The following SEMA5A variants were observed in gnomAD, a reference collection of about 807,000 sequenced individuals.
The protein encoded by SEMA5A is semaphorin 5A, also known as semaphorin-5A.
SEMA5A carries 55 observed loss-of-function variants against 135.5 expected under a neutral mutation model. The ratio of observed to expected loss-of-function variants is 0.41; its 90% CI spans 0.33 to 0.51. The LOEUF is 0.51. SEMA5A is among the 20% of genes least tolerant of loss of function. The pLI, the probability that SEMA5A is intolerant of heterozygous loss-of-function variation, is 0.37. For synonymous variants in SEMA5A, 580 were observed against 546.5 expected (o/e 1.06, Z -0.85); for missense variants, 1,290 against 1,419.9 (o/e 0.91, Z 1.47).
chr5:9,230,644 A>G (rs1747579463), intron 6 of SEMA5A, among the ~76,000 whole-genome samples: 1 of 152,192 alleles, frequency 6.6e-6, no homozygotes, highest in African/African-American at 2.4e-5. Context: ...GGAAGATGTC[A>G]GGGATCCAGA....
At chr5:9,491,771 A>G (rs1451254716) in intron 1 of SEMA5A, among the ~76,000 whole-genome samples, 1 of 152,198 alleles carries the variant, frequency 6.6e-6, no homozygotes, top group Non-Finnish European at 1.5e-5. Context: ...CATTTTACCC[A>G]TTCAAAAGGG....
chr5:9,282,488 T>C (rs1404755152), intron 5 of SEMA5A, among the ~76,000 whole-genome samples: 1 of 152,112 alleles, frequency 6.6e-6, no homozygotes, highest in East Asian at 1.9e-4. Flanking sequence ...TTTCAACCAA[T>C]GTAATGCACA....
At chr5:9,316,609 T>C (rs377728727) in intron 5 of SEMA5A, among the ~76,000 whole-genome samples, 2 of 152,176 alleles carry the variant, frequency 1.3e-5, no homozygotes, top group Admixed American at 1.3e-4. Flanking sequence ...AAAGGTTATC[T>C]AAAACAATCT....
intron 1 of SEMA5A, among the ~76,000 whole-genome samples, chr5:9,529,415 C>G (rs1235179212): frequency 6.6e-6 from 1 of 152,254 alleles, no homozygotes; most frequent in Admixed American, 6.5e-5. Context: ...CCTGCCCTGC[C>G]TGGACACCCA....
At chr5:9,400,461 A>T (rs572781407) in intron 2 of SEMA5A, among the ~76,000 whole-genome samples, 8 of 152,232 alleles carry the variant, frequency 5.3e-5, no homozygotes, top group African/African-American at 1.9e-4. Context: ...AAAAAAATGT[A>T]AAATTGACAT....
At chr5:9,528,471 G>T (rs1262345062) in intron 1 of SEMA5A, among the ~76,000 whole-genome samples, 1 of 152,162 alleles carries the variant, frequency 6.6e-6, no homozygotes, top group African/African-American at 2.4e-5. Context: ...TTTGCCACTT[G>T]CCTGTCCATG....
chr5:9,184,547 A>G (rs1744705321), intron 11 of SEMA5A, among the ~76,000 whole-genome samples: 1 of 152,156 alleles, frequency 6.6e-6, no homozygotes, highest in South Asian at 2.1e-4. Context: ...TTTTATTTCT[A>G]CATTTTCCAC....
chr5:9,170,478 G>GC (rs528741097), intron 11 of SEMA5A, among the ~76,000 whole-genome samples: 3 of 151,996 alleles, frequency 2.0e-5, no homozygotes, highest in Non-Finnish European at 4.4e-5. Flanking sequence ...GAATATTTGT[G>GC]CCCCCCTACC....
intron 1 of SEMA5A, among the ~76,000 whole-genome samples, chr5:9,442,596 G>A (rs996038348): frequency 1.3e-5 from 2 of 152,068 alleles, no homozygotes; most frequent in Non-Finnish European, 2.9e-5. Flanking sequence ...TGGCAAACAG[G>A]GTCAGGGGGC....
intron 4 of SEMA5A, among the ~76,000 whole-genome samples, chr5:9,325,518 C>T (rs1752831426): frequency 6.6e-6 from 1 of 151,874 alleles, no homozygotes; most frequent in African/African-American, 2.4e-5. Context: ...TCCTGGGTCC[C>T]ATCACTTCCC....
intron 1 of SEMA5A, among the ~76,000 whole-genome samples, chr5:9,540,442 A>AC (rs1035433448): frequency 6.4e-4 from 96 of 151,150 alleles, no homozygotes; most frequent in African/African-American, 2.2e-3. Flanking sequence ...TCAAAAAAAA[A>AC]AAAAAATTAG....
At position 9,063,083 on chromosome 5, in the gene SEMA5A, A is replaced by T; in HGVS notation, c.2322T>A (p.Arg774=). 6.2e-7 allele frequency: 1 copy of T among 1,613,722 alleles called. No homozygotes were observed. The highest frequency in any genetic ancestry group is 2.2e-5 in the East Asian group (1 of 44,862). The stretch of plus-strand genomic sequence containing the variant: ...CCGTGTGGGCAGAGTATCTCCCAGC[A>T]CGCAGGAAATCCCCAGAAAGCCCTG... The part of the protein sequence containing the change: ...STDGLSGDFL[R]AGRYSAHTVN... The change falls in exon 18 of 23, where the codon CGT becomes CGA. Residue 774 remains arginine, a synonymous_variant. Transcript: ENST00000382496.
At chr5:9,426,236 G>A (rs1757642342) in intron 2 of SEMA5A, among the ~76,000 whole-genome samples, 1 of 151,760 alleles carries the variant, frequency 6.6e-6, no homozygotes, top group Non-Finnish European at 1.5e-5. Flanking sequence ...AGGAGATCAA[G>A]ACCACGGTGA....
chr5:9,538,729 A>C (rs1737914598), intron 1 of SEMA5A, among the ~76,000 whole-genome samples: 1 of 152,208 alleles, frequency 6.6e-6, no homozygotes, highest in Admixed American at 6.5e-5. Flanking sequence ...TTGTTTTCAT[A>C]ACAGAGATCA....
intron 15 of SEMA5A, among the ~76,000 whole-genome samples, chr5:9,118,076 C>T (rs982009108): frequency 1.3e-5 from 2 of 152,148 alleles, no homozygotes; most frequent in Non-Finnish European, 2.9e-5. Flanking sequence ...TGGTTCTGTT[C>T]GTATAAATAC....
At chr5:9,154,786 T>C (rs2150262788) in intron 11 of SEMA5A, 91 bp from the exon 12 acceptor site, 6 of 1,142,634 alleles carry the variant, frequency 5.3e-6, no homozygotes, top group Non-Finnish European at 7.8e-6. Context: ...TATGCAGCCA[T>C]GGATCTTCAG....
At chr5:9,468,854 C>T (rs1228238507) in intron 1 of SEMA5A, among the ~76,000 whole-genome samples, 2 of 152,150 alleles carry the variant, frequency 1.3e-5, no homozygotes, top group Admixed American at 6.6e-5. Flanking sequence ...TGGATTCATA[C>T]ATATTTAAAG....
chr5:9,285,338 C>A (rs565590531), intron 5 of SEMA5A, among the ~76,000 whole-genome samples: 36 of 152,170 alleles, frequency 2.4e-4, no homozygotes, highest in Non-Finnish European at 3.7e-4. Flanking sequence ...CCCTTTCCTT[C>A]TTCTGGAGAA....
chr5:9,174,861 A>T (rs1263875023), intron 11 of SEMA5A, among the ~76,000 whole-genome samples: 1 of 152,198 alleles, frequency 6.6e-6, no homozygotes, highest in Non-Finnish European at 1.5e-5. Context: ...GTTAGACTAC[A>T]TCATAATAGG....
Sources: gnomAD v4.1 joint callset for allele counts (sites outside exome capture counted in the v4.1 genomes callset) on GRCh38, gnomAD v4.1.1 for gene constraint, MANE v1.5 for transcripts, NCBI Gene and HGNC (gene_info 2026-07-23, HGNC 2026-07-21) for gene names.